The following SPATA16 variants were observed in gnomAD, a reference collection of about 807,000 sequenced individuals.
SPATA16 encodes the protein spermatogenesis-associated protein 16.
Under a neutral mutation model 63.3 loss-of-function variants are expected in SPATA16, and 36 were observed. The ratio of observed to expected loss-of-function variants is 0.57; its 90% CI spans 0.44 to 0.75. The LOEUF is 0.75. SPATA16 is among the 30% of genes least tolerant of loss of function. The pLI, the probability that SPATA16 is intolerant of heterozygous loss-of-function variation, is 0.00. For synonymous variants in SPATA16, 203 were observed against 216.7 expected (o/e 0.94, Z 0.56); for missense variants, 646 against 679.3 (o/e 0.95, Z 0.54).
chr3:173,037,200 A>G (rs1735732553), intron 3 of SPATA16, among the ~76,000 whole-genome samples: 1 of 152,074 alleles, frequency 6.6e-6, no homozygotes, highest in Admixed American at 6.6e-5. Flanking sequence ...GCATTATATT[A>G]CACCATCTTT....
intron 10 of SPATA16, among the ~76,000 whole-genome samples, chr3:172,900,629 G>T (rs1409468949): frequency 2.0e-5 from 3 of 150,428 alleles, no homozygotes; most frequent in Non-Finnish European, 4.4e-5. Context: ...AAGAGGTAAT[G>T]TTTTTTTTTG....
chr3:173,056,657 T>C (rs1736231518), intron 2 of SPATA16, among the ~76,000 whole-genome samples: 3 of 134,496 alleles, frequency 2.2e-5, no homozygotes, highest in South Asian at 2.3e-4. Flanking sequence ...TAAGCCGAGA[T>C]AGTGCCATTG....
At chr3:172,952,205 G>T (rs553655264) in intron 6 of SPATA16, among the ~76,000 whole-genome samples, 1 of 152,252 alleles carries the variant, frequency 6.6e-6, no homozygotes, top group Admixed American at 6.5e-5. Flanking sequence ...GGCTGCATGT[G>T]GATGAGTGTT....
chr3:173,118,257 C>A (rs1260717820), intron 1 of SPATA16, among the ~76,000 whole-genome samples: 2 of 152,144 alleles, frequency 1.3e-5, no homozygotes, highest in Non-Finnish European at 2.9e-5. Flanking sequence ...AAATTTGTTT[C>A]TTTTATTACT....
intron 4 of SPATA16, among the ~76,000 whole-genome samples, chr3:173,018,383 T>G (rs1735244124): frequency 6.6e-6 from 1 of 151,700 alleles, no homozygotes; most frequent in Non-Finnish European, 1.5e-5. Context: ...CAAGCGATTC[T>G]CCTACCTCAA....
At chr3:172,952,557 C>T (rs781338579) in intron 6 of SPATA16, among the ~76,000 whole-genome samples, 31 of 152,144 alleles carry the variant, frequency 2.0e-4, no homozygotes, top group African/African-American at 7.0e-4. Context: ...CACATCTGTC[C>T]GTTTTTCCTT....
chr3:173,123,753 A>ACCACCATG (rs1373912868), intron 1 of SPATA16, among the ~76,000 whole-genome samples: 2 of 151,616 alleles, frequency 1.3e-5, no homozygotes, highest in Non-Finnish European at 2.9e-5. Flanking sequence ...ACAGGCGCCA[A>ACCACCATG]CCACCATGCC....
chr3:172,945,577 T>C (rs1205376449), intron 6 of SPATA16, among the ~76,000 whole-genome samples: 1 of 152,076 alleles, frequency 6.6e-6, no homozygotes, highest in Admixed American at 6.5e-5. Flanking sequence ...GTGTGCGTGG[T>C]GGAGGGAGAA....
chr3:173,094,447 A>G (rs1737300314), intron 2 of SPATA16, among the ~76,000 whole-genome samples: 2 of 152,234 alleles, frequency 1.3e-5, no homozygotes, highest in Admixed American at 1.3e-4. Context: ...ACCATAAAGG[A>G]TAGATATATA....
At chr3:173,057,454 T>G (rs1401101882) in intron 2 of SPATA16, among the ~76,000 whole-genome samples, 3 of 147,758 alleles carry the variant, frequency 2.0e-5, no homozygotes, top group Non-Finnish European at 4.4e-5. Flanking sequence ...TTAAGCTGCA[T>G]CTTTCACCGC....
At chr3:173,019,622 A>G (rs773917321) in intron 3 of SPATA16, 47 bp from the exon 4 acceptor site, 81 of 1,517,354 alleles carry the variant, frequency 5.3e-5, no homozygotes, top group Non-Finnish European at 6.9e-5. Context: ...GTTTTAAAAG[A>G]CAATTACCAC....
chr3:172,992,009 C>G (rs376314515), intron 4 of SPATA16, among the ~76,000 whole-genome samples: 2 of 152,240 alleles, frequency 1.3e-5, no homozygotes, highest in East Asian at 3.9e-4. Context: ...GTTGAATTTA[C>G]AGGGTAGTCT....
At position 173,059,047 on chromosome 3, in the gene SPATA16, A is replaced by G. The variant is rs1177646383; in HGVS notation, c.613-9953T>C. On this transcript the variant is annotated intron_variant, in intron 2 of 10. Coordinates refer to ENST00000351008, the MANE Select transcript of SPATA16 (RefSeq NM_031955.6). ...TATTCATATTTTAAAATTTGTCCTT[A>G]CAGTAGAGAACATTATATTCTTAGA... is the stretch of plus-strand genomic sequence containing the variant. 2.6e-5 allele frequency among the ~76,000 whole-genome samples: 4 copies of G among 151,916 alleles called. No homozygotes were observed. In the East Asian group the frequency reaches 7.7e-4, roughly 29 times the overall value.
At chr3:173,026,021 A>C (rs1735444620) in intron 3 of SPATA16, among the ~76,000 whole-genome samples, 1 of 151,988 alleles carries the variant, frequency 6.6e-6, no homozygotes, top group African/African-American at 2.4e-5. Context: ...CAGTTGTACT[A>C]TCCTGCATTC....
chr3:173,107,970 A>G (rs1282024798), intron 2 of SPATA16, among the ~76,000 whole-genome samples: 1 of 152,208 alleles, frequency 6.6e-6, no homozygotes, highest in African/African-American at 2.4e-5. Flanking sequence ...GTTGTGTAAG[A>G]CTTCATGACA....
At chr3:173,139,462 A>T (rs560317614) in intron 1 of SPATA16, among the ~76,000 whole-genome samples, 2 of 152,214 alleles carry the variant, frequency 1.3e-5, no homozygotes, top group African/African-American at 4.8e-5. Context: ...ATGACTCAAC[A>T]TATTCTACAC....
In SPATA16 at chr3:173,000,487, C is replaced by T. The variant is rs1734792224; in HGVS notation, c.848+18999G>A. Among the ~76,000 whole-genome samples the T allele has an allele frequency of 2.6e-5, 4 of 151,952 alleles. No homozygotes were observed. The South Asian group carries it at 8.3e-4, about 31-fold the overall frequency. On this transcript the variant is annotated intron_variant, in intron 4 of 10. Transcript: ENST00000351008. ...AATTAAATCTTTAATCTTTGATTTT[C>T]TGAAGTTCAAATATGATATGTTTAG...
intron 4 of SPATA16, among the ~76,000 whole-genome samples, chr3:172,987,217 G>A (rs1259384026): frequency 2.0e-5 from 3 of 152,194 alleles, no homozygotes; most frequent in Admixed American, 6.5e-5. Context: ...GAAGCCAACC[G>A]TGTAACTCTT....
chr3:173,001,795 G>A (rs909766248), intron 4 of SPATA16, among the ~76,000 whole-genome samples: 1 of 152,124 alleles, frequency 6.6e-6, no homozygotes, highest in African/African-American at 2.4e-5. Flanking sequence ...AAAAAATTAG[G>A]TTAGTCTAGA....
Sources: allele counts gnomAD v4.1 joint callset (sites outside exome capture counted in the v4.1 genomes callset), GRCh38; gene constraint gnomAD v4.1.1; transcripts MANE v1.5; gene names NCBI Gene and HGNC (gene_info 2026-07-23, HGNC 2026-07-21).